XKR4: variants seen among roughly 807,000 people sequenced by gnomAD.
XKR4 encodes XK related 4, also known as XK-related protein 4.
XKR4 carries 12 observed loss-of-function variants against 53.9 expected under a neutral mutation model. The ratio of observed to expected loss-of-function variants is 0.22; its 90% confidence interval spans 0.14 to 0.36. The LOEUF (loss-of-function observed/expected upper bound fraction) is 0.36, where lower values mean the gene tolerates loss of function less well. Ranked by LOEUF, XKR4 falls within the 10% of genes least tolerant of loss-of-function variation. The probability of loss-of-function intolerance (pLI) is 1.00; values close to 1 mark genes in which losing one functional copy is unlikely to be tolerated. For missense variants in XKR4, 799 were observed against 859.5 expected (o/e 0.93, Z 0.88); for synonymous variants, 354 against 362.4 (o/e 0.98, Z 0.26).
At chr8:55,289,646 A>AAAGAAAGAAAGAAAGAAAGAAAGGAAGG (rs1221597017) in intron 1 of XKR4, among the ~76,000 whole-genome samples, 1 of 86,980 alleles carries the variant, frequency 1.1e-5, no homozygotes, top group African/African-American at 5.6e-5. Context: ...AGAAAGAAAG[A>AAAGAAAGAAAGAAAGAAAGAAAGGAAGG]AAGGAAGGAA....
At chr8:55,394,644 G>A (rs10504190) in intron 2 of XKR4, among the ~76,000 whole-genome samples, 1,916 of 152,230 alleles carry the variant, frequency 0.013, 136 homozygotes, top group Admixed American at 0.094. Context: ...TGCTCATAAA[G>A]AGAGTTATTT....
intron 2 of XKR4, among the ~76,000 whole-genome samples, chr8:55,380,739 T>C (rs1804219801): frequency 6.6e-6 from 1 of 152,258 alleles, no homozygotes; most frequent in Non-Finnish European, 1.5e-5. Context: ...CCTGTGTGTT[T>C]CTAGGACAGG....
chr8:55,513,287 G>A (rs1806656197), intron 2 of XKR4, among the ~76,000 whole-genome samples: 1 of 152,226 alleles, frequency 6.6e-6, no homozygotes, highest in Non-Finnish European at 1.5e-5. Context: ...GTCAATATTA[G>A]TGATGCTTGC....
chr8:55,416,982 T>A (rs961945883), intron 2 of XKR4, among the ~76,000 whole-genome samples: 6 of 152,196 alleles, frequency 3.9e-5, no homozygotes, highest in Non-Finnish European at 2.9e-5. Flanking sequence ...GCTCTGAATA[T>A]TAGAGTCCCC....
chr8:55,450,246 T>A, intron 2 of XKR4: 1 of 655,462 alleles, frequency 1.5e-6, no homozygotes, highest in South Asian at 1.7e-5. Context: ...CAAACCGTTC[T>A]TCCTCAGGGG....
At chr8:55,250,523 C>G (rs1818349329) in intron 1 of XKR4, among the ~76,000 whole-genome samples, 1 of 152,192 alleles carries the variant, frequency 6.6e-6, no homozygotes, top group Non-Finnish European at 1.5e-5. Context: ...TTCCCTAACT[C>G]CTACAAGGAC....
chr8:55,194,727 A>T (rs1285390649), intron 1 of XKR4, among the ~76,000 whole-genome samples: 1 of 152,142 alleles, frequency 6.6e-6, no homozygotes, highest in East Asian at 1.9e-4. Flanking sequence ...ACCCATTTGG[A>T]GCCCTCTAAT....
At chr8:55,448,555 A>C (rs1324389324) in intron 2 of XKR4, among the ~76,000 whole-genome samples, 13 of 152,224 alleles carry the variant, frequency 8.5e-5, no homozygotes, top group Non-Finnish European at 1.6e-4. Flanking sequence ...TTTGGGGAAG[A>C]GGCTGCAGGT....
chr8:55,225,477 G>T (rs1817939531), intron 1 of XKR4, among the ~76,000 whole-genome samples: 2 of 152,146 alleles, frequency 1.3e-5, no homozygotes, highest in Admixed American at 6.5e-5. Flanking sequence ...ACCCCATCAT[G>T]GTGCTCAGCG....
At chr8:55,304,383 C>T (rs2129377339) in intron 1 of XKR4, among the ~76,000 whole-genome samples, 1 of 152,228 alleles carries the variant, frequency 6.6e-6, no homozygotes, top group East Asian at 1.9e-4. Context: ...AATTTGTGTT[C>T]TTTTACATTT....
intron 1 of XKR4, among the ~76,000 whole-genome samples, chr8:55,198,496 TATA>T (rs1473563820): frequency 6.6e-6 from 1 of 151,638 alleles, no homozygotes; most frequent in Non-Finnish European, 1.5e-5. Context: ...TTTTATATGT[TATA>T]ATAAAATGTA....
intron 1 of XKR4, among the ~76,000 whole-genome samples, chr8:55,132,842 G>A (rs988466080): frequency 6.6e-6 from 1 of 152,184 alleles, no homozygotes; most frequent in Non-Finnish European, 1.5e-5. Flanking sequence ...CCCAGGATCA[G>A]GTGAGTTACT....
chr8:55,358,316 TGA>T (rs146433334), intron 2 of XKR4, among the ~76,000 whole-genome samples: 9 of 150,192 alleles, frequency 6.0e-5, no homozygotes, highest in Non-Finnish European at 7.4e-5. Context: ...CTTTTGATGT[TGA>T]GAGAGAGAGA....
chr8:55,142,619 C>T (rs1203877123), intron 1 of XKR4, among the ~76,000 whole-genome samples: 2 of 152,088 alleles, frequency 1.3e-5, no homozygotes, highest in East Asian at 1.9e-4. Flanking sequence ...CAAGAAATAA[C>T]AAAGTGGGAC....
In XKR4 at chr8:55,279,249, C is replaced by A. The variant is rs190849632; in HGVS notation, c.807-78429C>A. On this transcript the variant is annotated intron_variant, in intron 1 of 2. Coordinates refer to ENST00000327381, the MANE Select transcript of XKR4 (RefSeq NM_052898.2). Reference sequence around the variant, plus strand: ...CAAGTGAAGCTTGAAAAGTGTTAACCGTGAGTGTGTTTGTGAACTGTGGGG... The same window carrying A: ...CAAGTGAAGCTTGAAAAGTGTTAACAGTGAGTGTGTTTGTGAACTGTGGGG... Among the ~76,000 whole-genome samples the A allele has an allele frequency of 5.5e-4, 84 of 152,208 alleles. 1 individual carries two copies. The highest frequency in any genetic ancestry group is 9.3e-4 in the Non-Finnish European group (63 of 68,014).
intron 2 of XKR4, among the ~76,000 whole-genome samples, chr8:55,368,005 G>A (rs1024526684): frequency 6.6e-6 from 1 of 152,088 alleles, no homozygotes; most frequent in African/African-American, 2.4e-5. Flanking sequence ...TTGTCACCCA[G>A]GCTGGAGTGC....
intron 1 of XKR4, among the ~76,000 whole-genome samples, chr8:55,216,803 A>T (rs1462805289): frequency 2.1e-5 from 3 of 141,758 alleles, no homozygotes; most frequent in African/African-American, 7.9e-5. Context: ...TTCTATTTAT[A>T]AAAAAAAAAA....
chr8:55,332,801 T>A (rs189386175), intron 1 of XKR4, among the ~76,000 whole-genome samples: 20 of 152,156 alleles, frequency 1.3e-4, no homozygotes, highest in Non-Finnish European at 2.2e-4. Context: ...TTTCCTCAAG[T>A]AATCCCTCTA....
At chr8:55,164,042 C>A in intron 1 of XKR4, 1 of 354,776 alleles carries the variant, frequency 2.8e-6, no homozygotes, top group Admixed American at 3.6e-5. Context: ...CGCACACATG[C>A]ACACAACTGT....
Sources: gnomAD v4.1 joint callset for allele counts (sites outside exome capture counted in the v4.1 genomes callset) on GRCh38, gnomAD v4.1.1 for gene constraint, MANE v1.5 for transcripts, NCBI Gene and HGNC (gene_info 2026-07-23, HGNC 2026-07-21) for gene names.